The following ELMO1 variants were observed in gnomAD, a reference collection of about 807,000 sequenced individuals.
ELMO1 encodes the protein engulfment and cell motility 1.
Under a neutral mutation model 98.9 loss-of-function variants are expected in ELMO1, and 26 were observed. The observed-to-expected ratio is 0.26, with a 90% CI of 0.19 to 0.36. The LOEUF is 0.36. Among genes scored for constraint, ELMO1 ranks in the 10% least tolerant of loss-of-function variants. The pLI, the probability that ELMO1 is intolerant of heterozygous loss-of-function variation, is 1.00. For synonymous variants in ELMO1, 346 were observed against 346.0 expected (o/e 1.00, Z 0.00); for missense variants, 627 against 935.2 (o/e 0.67, Z 4.30).
chr7:36,908,277 A>T (rs1472447708), intron 16 of ELMO1, among the ~76,000 whole-genome samples: 1 of 152,188 alleles, frequency 6.6e-6, no homozygotes, highest in African/African-American at 2.4e-5. Flanking sequence ...TTCTAGACCT[A>T]CTGATGTTTA....
At chr7:37,171,220 T>C (rs1007042197) in intron 13 of ELMO1, among the ~76,000 whole-genome samples, 2 of 152,086 alleles carry the variant, frequency 1.3e-5, no homozygotes, top group African/African-American at 2.4e-5. Flanking sequence ...ATAAATATAT[T>C]TTAAAAATAT....
intron 16 of ELMO1, among the ~76,000 whole-genome samples, chr7:36,941,833 G>C (rs1787067063): frequency 6.6e-6 from 1 of 152,194 alleles, no homozygotes; most frequent in Admixed American, 6.5e-5. Flanking sequence ...TGAGAGGGGG[G>C]CCTCATTCCT....
At chr7:36,989,195 ATGT>A (rs879745703) in intron 16 of ELMO1, among the ~76,000 whole-genome samples, 23 of 152,324 alleles carry the variant, frequency 1.5e-4, no homozygotes, top group African/African-American at 5.5e-4. Flanking sequence ...GCTCTGTGAG[ATGT>A]TATTACACTA....
At chr7:37,164,101 T>G (rs1789447289) in intron 13 of ELMO1, among the ~76,000 whole-genome samples, 1 of 152,212 alleles carries the variant, frequency 6.6e-6, no homozygotes, top group Non-Finnish European at 1.5e-5. Context: ...ATGATGAGCA[T>G]TTTTTCATCA....
intron 16 of ELMO1, among the ~76,000 whole-genome samples, chr7:36,966,009 C>T (rs931941622): frequency 6.6e-6 from 1 of 152,158 alleles, no homozygotes; most frequent in Admixed American, 6.5e-5. Flanking sequence ...GAATATACTT[C>T]ATTTATTTTT....
intron 4 of ELMO1, among the ~76,000 whole-genome samples, chr7:37,301,694 T>G (rs1798357863): frequency 2.0e-5 from 3 of 152,286 alleles, no homozygotes; most frequent in Admixed American, 1.3e-4. Context: ...GACTTTAATC[T>G]TCAGACATGG....
chr7:37,146,901 G>C (rs1238198385), intron 13 of ELMO1, among the ~76,000 whole-genome samples: 2 of 152,070 alleles, frequency 1.3e-5, no homozygotes, highest in Admixed American at 1.3e-4. Flanking sequence ...CAAGTGACGA[G>C]GTACCTGTTA....
intron 13 of ELMO1, among the ~76,000 whole-genome samples, chr7:37,177,365 G>A (rs1374084927): frequency 6.6e-6 from 1 of 152,092 alleles, no homozygotes; most frequent in East Asian, 1.9e-4. Flanking sequence ...AAGTGGCATG[G>A]GAATAGTGCT....
chr7:36,899,964 C>A (rs1806368455), intron 16 of ELMO1, among the ~76,000 whole-genome samples: 1 of 151,858 alleles, frequency 6.6e-6, no homozygotes, highest in African/African-American at 2.4e-5. Context: ...TGTTACAATC[C>A]CAGAAGGAAA....
intron 13 of ELMO1, among the ~76,000 whole-genome samples, chr7:37,194,456 C>A (rs1791842725): frequency 1.3e-5 from 2 of 152,228 alleles, no homozygotes; most frequent in Non-Finnish European, 2.9e-5. Flanking sequence ...TATTCCCCTT[C>A]TATTTCTAGT....
intron 16 of ELMO1, among the ~76,000 whole-genome samples, chr7:36,970,668 G>C (rs1789863675): frequency 6.6e-6 from 1 of 152,154 alleles, no homozygotes; most frequent in Admixed American, 6.5e-5. Flanking sequence ...GGTGACAAGT[G>C]ACAAAATGAC....
At chr7:37,221,858 C>T (rs147757530) in intron 10 of ELMO1, among the ~76,000 whole-genome samples, 1,742 of 152,144 alleles carry the variant, frequency 0.011, 32 homozygotes, top group African/African-American at 0.037. Context: ...CTATCATGCC[C>T]AGCTAATTTT....
intron 17 of ELMO1, among the ~76,000 whole-genome samples, chr7:36,890,337 C>A (rs897264562): frequency 1.3e-5 from 2 of 152,190 alleles, no homozygotes; most frequent in African/African-American, 4.8e-5. Context: ...CAGACAGCAC[C>A]ATCAGACTGG....
chr7:37,053,953 T>C (rs999636081), intron 15 of ELMO1, among the ~76,000 whole-genome samples: 3 of 152,206 alleles, frequency 2.0e-5, no homozygotes, highest in African/African-American at 7.2e-5. Flanking sequence ...ATGAAATAAA[T>C]ACTCCTCTTG....
intron 1 of ELMO1, among the ~76,000 whole-genome samples, chr7:37,403,229 A>G (rs1264602911): frequency 3.3e-5 from 5 of 152,226 alleles, no homozygotes; most frequent in Admixed American, 1.3e-4. Flanking sequence ...ATTATATAAC[A>G]TTCTAGAAAA....
At chr7:37,301,148 A>G (rs1030125040) in intron 4 of ELMO1, among the ~76,000 whole-genome samples, 1 of 152,080 alleles carries the variant, frequency 6.6e-6, no homozygotes, top group Non-Finnish European at 1.5e-5. Flanking sequence ...AAGACTAGGA[A>G]GTTTTTAAAA....
At chr7:37,249,530 G>A (rs754078146) in intron 6 of ELMO1, among the ~76,000 whole-genome samples, 15 of 152,138 alleles carry the variant, frequency 9.9e-5, no homozygotes, top group Non-Finnish European at 1.9e-4. Flanking sequence ...CCCCAGATTA[G>A]TGAGAACTCC....
At chr7:36,913,482 T>C (rs1199205802) in intron 16 of ELMO1, among the ~76,000 whole-genome samples, 1 of 152,136 alleles carries the variant, frequency 6.6e-6, no homozygotes, top group Non-Finnish European at 1.5e-5. Context: ...GCACACAGAG[T>C]TTGACCAACT....
chr7:37,365,117 G>A (rs2700973), intron 1 of ELMO1, among the ~76,000 whole-genome samples: 76,828 of 151,972 alleles, frequency 0.51, 20,102 homozygotes, highest in East Asian at 0.88. Context: ...CAGCCATTCC[G>A]CCTTACGGAA....
Sources: gnomAD v4.1 joint callset for allele counts (sites outside exome capture counted in the v4.1 genomes callset) on GRCh38, gnomAD v4.1.1 for gene constraint, MANE v1.5 for transcripts, NCBI Gene and HGNC (gene_info 2026-07-23, HGNC 2026-07-21) for gene names.